HIPK2: variants seen among roughly 807,000 people sequenced by gnomAD.
HIPK2 encodes the protein homeodomain-interacting protein kinase 2.
In HIPK2, 27 loss-of-function variants were observed where a neutral mutation model predicts 113.7. That is an observed-to-expected ratio of 0.24 (90% confidence interval 0.17 to 0.33). HIPK2 has a LOEUF of 0.33. Ranked by LOEUF, HIPK2 falls within the 10% of genes least tolerant of loss-of-function variation. The pLI is 1.00. For synonymous variants in HIPK2, 631 were observed against 642.2 expected (o/e 0.98, Z 0.26); for missense variants, 1,257 against 1,588.0 (o/e 0.79, Z 3.54).
rs1799168962 is a variant in HIPK2 at position 139,595,402 on chromosome 7, G to A, written c.2717+1315C>T. Among the ~76,000 whole-genome samples, 3 of 152,168 alleles carry A rather than the reference G, an allele frequency of 2.0e-5. No homozygotes were observed. The South Asian group carries it at 6.2e-4, about 31-fold the overall frequency. ...TGGACCATTCACTCAACTTGAGGCT[G>A]TCATCAAAAAGGGACCTGAGGCCAT... On this transcript the variant is annotated intron_variant, in intron 12 of 14. Transcript: ENST00000406875.
intron 11 of HIPK2, 43 bp downstream of exon 11, chr7:139,600,374 T>A: frequency 6.3e-7 from 1 of 1,592,148 alleles, no homozygotes; most frequent in South Asian, 1.1e-5. Flanking sequence ...AGCACTCACA[T>A]CCCCTGGGAT....
At chr7:139,625,888 C>T (rs1800409163) in intron 6 of HIPK2, among the ~76,000 whole-genome samples, 1 of 152,146 alleles carries the variant, frequency 6.6e-6, no homozygotes, top group Non-Finnish European at 1.5e-5. Flanking sequence ...CCAAACTAGA[C>T]TGGGTCCACT....
chr7:139,599,750 T>C lies in HIPK2; in HGVS notation c.2435+667A>G, dbSNP rs147902361. On this transcript the variant is annotated intron_variant, in intron 11 of 14. Coordinates refer to ENST00000406875, the MANE Select transcript of HIPK2 (RefSeq NM_022740.5). ...AAAACAATTATTATGGTAAATTGTT[T>C]CCAAAATGAAACTTCAGGTGAAGCT... Among the ~76,000 whole-genome samples the C allele has an allele frequency of 2.4e-3, 372 of 152,320 alleles. 4 individuals carry two copies. Among genetic ancestry groups the C allele is most frequent in the African/African-American group, 8.5e-3 (352 of 41,564 alleles).
At chr7:139,655,411 C>G (rs2116503661) in intron 2 of HIPK2, among the ~76,000 whole-genome samples, 1 of 152,332 alleles carries the variant, frequency 6.6e-6, no homozygotes, top group South Asian at 2.1e-4. Flanking sequence ...TCCCGCCGGG[C>G]AAGGAGGCTG....
At chr7:139,620,649 A>G in intron 6 of HIPK2, 86 bp from the exon 7 acceptor site, 1 of 1,506,950 alleles carries the variant, frequency 6.6e-7, no homozygotes, top group Admixed American at 1.9e-5. Flanking sequence ...AACAAAGGAA[A>G]GGAGAGAAGG....
At chr7:139,600,946 A>G (rs1034377611) in intron 10 of HIPK2, among the ~76,000 whole-genome samples, 2 of 152,150 alleles carry the variant, frequency 1.3e-5, no homozygotes, top group African/African-American at 2.4e-5. Flanking sequence ...ACAATATTCT[A>G]TTTTAGAATT....
At chr7:139,670,123 A>C (rs1237054578) in intron 2 of HIPK2, among the ~76,000 whole-genome samples, 2 of 152,208 alleles carry the variant, frequency 1.3e-5, no homozygotes, top group African/African-American at 4.8e-5. Context: ...TTTTCAAGTC[A>C]TATTGTTTTG....
intron 1 of HIPK2, among the ~76,000 whole-genome samples, chr7:139,772,768 G>A (rs915692403): frequency 5.1e-5 from 6 of 116,558 alleles, no homozygotes; most frequent in Non-Finnish European, 1.1e-4. Context: ...TTTTTTTTTT[G>A]TATTTTTAGT....
intron 2 of HIPK2, among the ~76,000 whole-genome samples, chr7:139,682,098 T>C (rs760501079): frequency 4.6e-5 from 7 of 152,186 alleles, no homozygotes; most frequent in Non-Finnish European, 1.0e-4. Flanking sequence ...TGCCCCAGCT[T>C]CTGCCCTCAC....
chr7:139,685,619 C>G (rs1339735670), intron 2 of HIPK2, among the ~76,000 whole-genome samples: 4 of 152,142 alleles, frequency 2.6e-5, no homozygotes, highest in Non-Finnish European at 5.9e-5. Flanking sequence ...GACTTTAAGT[C>G]GAAGCCAGTG....
Position 139,564,147 on chromosome 7 carries a change from T to C in HIPK2, c.*8780A>G. ...ACCGAACTAGACTTTGAGTCTAAGC[T>C]GGACAATGAGTAAAACGTAAACATA... is the stretch of plus-strand genomic sequence containing the variant. On this transcript the variant is annotated 3_prime_UTR_variant, in exon 15 of 15. Transcript: ENST00000406875. 1 of 396,052 alleles carries C rather than the reference T, an allele frequency of 2.5e-6. No individual in the cohort carries two copies. Among genetic ancestry groups the C allele is most frequent in the Non-Finnish European group, 4.4e-6 (1 of 225,042 alleles). The allele number at this position is 396,052 out of a possible 1,614,324, so 24.5% of individuals were successfully genotyped here. A position where few individuals can be genotyped will look rare whatever the true frequency, so the allele number is the denominator to read the frequency against.
Position 139,716,633 on chromosome 7 carries a change from C to T in HIPK2, c.402G>A (p.Lys134=). ...TGCTTGTGTTCTCGATCTCCTCGCT[C>T]TTACGCTTGAGTCCACATTTTTGGT... The part of the protein sequence containing the change: ...DTYQKCGLKR[K]SEEIENTSSV... The change falls in exon 2 of 15, where the codon AAG becomes AAA. Residue 134 remains lysine (K), a synonymous_variant. Coordinates refer to ENST00000406875, the MANE Select transcript of HIPK2 (RefSeq NM_022740.5). This position sits in a 1 kb window ranked among gnomAD's most constrained non-coding sequence, Gnocchi z 9.3. The T allele has an allele frequency of 9.3e-6, 15 of 1,614,008 alleles. No homozygotes were observed. The highest frequency in any genetic ancestry group is 1.3e-5 in the Non-Finnish European group (15 of 1,179,900).
chr7:139,625,511 C>CT lies in HIPK2; in HGVS notation c.1619+1089dup, dbSNP rs1800395847. ...AAAACCTTAACATGTACGGCCTGCC[C>CT]TGGCTGACTGGATGCCTCACTGTCT... On this transcript the variant is annotated intron_variant, in intron 6 of 14. Transcript: ENST00000406875. Among the ~76,000 whole-genome samples, 5 of 152,346 alleles carry CT rather than the reference C, an allele frequency of 3.3e-5. No homozygotes were observed. In the South Asian group the frequency reaches 1.0e-3, roughly 32 times the overall value.
chr7:139,696,558 G>C (rs1352099310), intron 2 of HIPK2, among the ~76,000 whole-genome samples: 1 of 148,308 alleles, frequency 6.7e-6, no homozygotes, highest in African/African-American at 2.5e-5. Context: ...ACTTTAGCCA[G>C]GGTGACTGAA....
intron 12 of HIPK2, among the ~76,000 whole-genome samples, chr7:139,594,700 T>TA (rs1799137018): frequency 6.6e-6 from 1 of 152,190 alleles, no homozygotes; most frequent in African/African-American, 2.4e-5. Flanking sequence ...GATGACTCCC[T>TA]AGCCTCAGTC....
intron 1 of HIPK2, among the ~76,000 whole-genome samples, chr7:139,741,976 G>C (rs1796109912): frequency 6.6e-6 from 1 of 152,180 alleles, no homozygotes; most frequent in Non-Finnish European, 1.5e-5. Context: ...ACAGAAGAAA[G>C]AGATCCAGAG....
chr7:139,569,527 C>T lies in HIPK2; in HGVS notation c.*3400G>A, dbSNP rs1207940407. ...TGGCTAAGGGCTGGACAGTCAGTGA[C>T]TCGACATTCCCCGAGCCCATGAGAT... On this transcript the variant is annotated 3_prime_UTR_variant, in exon 15 of 15. Transcript: ENST00000406875. 6.6e-6 allele frequency: 1 copy of T among 152,170 alleles called. No individual in the cohort carries two copies. The highest frequency in any genetic ancestry group is 1.9e-4 in the East Asian group (1 of 5,192). 9.4% of individuals were successfully genotyped at this position (152,170 alleles called of 1,614,324 possible).
chr7:139,627,242 C>T (rs1585296754), intron 5 of HIPK2, among the ~76,000 whole-genome samples: 1 of 151,986 alleles, frequency 6.6e-6, no homozygotes, highest in South Asian at 2.1e-4. Flanking sequence ...TGTGTGTTTG[C>T]CACAATTTTT....
intron 2 of HIPK2, among the ~76,000 whole-genome samples, chr7:139,698,934 T>TA (rs1794632951): frequency 6.6e-6 from 1 of 152,106 alleles, no homozygotes; most frequent in Non-Finnish European, 1.5e-5. Flanking sequence ...AGCAAGAAGT[T>TA]ACAGCAGAGA....
Sources: allele counts gnomAD v4.1 joint callset (sites outside exome capture counted in the v4.1 genomes callset), GRCh38; gene constraint gnomAD v4.1.1; non-coding constraint Gnocchi (gnomAD v3.1); transcripts MANE v1.5; gene names NCBI Gene and HGNC (gene_info 2026-07-23, HGNC 2026-07-21).